The following SMAP1 variants were observed in gnomAD, a reference collection of about 807,000 sequenced individuals.
The protein encoded by SMAP1 is small ArfGAP 1, also known as stromal membrane-associated protein 1.
In SMAP1, 24 loss-of-function variants were observed where a neutral mutation model predicts 58.5. The ratio of observed to expected loss-of-function variants is 0.41; its 90% CI spans 0.30 to 0.58. The LOEUF (loss-of-function observed/expected upper bound fraction) is 0.58, where lower values mean the gene tolerates loss of function less well. Among genes scored for constraint, SMAP1 ranks in the 20% least tolerant of loss-of-function variants. The pLI, the probability that SMAP1 is intolerant of heterozygous loss-of-function variation, is 0.29. For synonymous variants in SMAP1, 216 were observed against 196.6 expected (o/e 1.10, Z -0.82); for missense variants, 563 against 566.3 (o/e 0.99, Z 0.06).
At position 70,767,413 on chromosome 6, in the gene SMAP1, T is replaced by G. The variant is rs1767044947; in HGVS notation, c.339-5937T>G. Among the ~76,000 whole-genome samples the G allele has an allele frequency of 2.0e-5, 3 of 152,192 alleles. No homozygotes were observed. The South Asian group carries it at 6.2e-4, about 31-fold the overall frequency. Reference sequence around the variant, plus strand: ...GTTCTTCCATTTGTTTGTATTCTCTTTTATTTCATTGAGCAGTGGTTTGTA... The same window carrying G: ...GTTCTTCCATTTGTTTGTATTCTCTGTTATTTCATTGAGCAGTGGTTTGTA... On this transcript the variant is annotated intron_variant, in intron 3 of 10. Coordinates refer to ENST00000370455, the MANE Select transcript of SMAP1 (RefSeq NM_001044305.3).
At position 70,857,008 on chromosome 6, in the gene SMAP1, C is replaced by T; in HGVS notation, c.939C>T (p.Thr313=). The change falls in exon 9 of 11, where the codon ACC becomes ACT. Residue 313 remains threonine, a synonymous_variant. Transcript: ENST00000370455. ...DSILSLYGTG[T]IQQQSTPGVF... ...TCTTATCTCTGTATGGCACAGGAAC[C>T]ATTCAACAGCAAAGTACTCCTGGTA... 2 of 1,609,944 alleles carry T rather than the reference C, an allele frequency of 1.2e-6. No homozygotes were observed. Among genetic ancestry groups the T allele is most frequent in the Non-Finnish European group, 8.5e-7 (1 of 1,177,862 alleles).
intron 4 of SMAP1, among the ~76,000 whole-genome samples, chr6:70,779,361 G>A (rs532609577): frequency 2.0e-5 from 3 of 152,272 alleles, no homozygotes; most frequent in African/African-American, 7.2e-5. Context: ...TAGTGTTGGC[G>A]GTACTGTCAA....
intron 6 of SMAP1, among the ~76,000 whole-genome samples, chr6:70,829,530 G>A (rs1476236299): frequency 2.0e-5 from 3 of 152,070 alleles, no homozygotes; most frequent in East Asian, 1.9e-4. Context: ...TCAGCAAAAG[G>A]CACCATGGTG....
chr6:70,813,877 A>T (rs187555491), intron 6 of SMAP1, among the ~76,000 whole-genome samples: 148 of 152,322 alleles, frequency 9.7e-4, no homozygotes, highest in African/African-American at 3.3e-3. Context: ...CATTGCAGAC[A>T]TATACAATTT....
intron 1 of SMAP1, among the ~76,000 whole-genome samples, chr6:70,730,190 C>T (rs1200316017): frequency 1.3e-5 from 2 of 152,158 alleles, no homozygotes; most frequent in Admixed American, 6.5e-5. Context: ...GTTAGACCTG[C>T]AGGCACTCAC....
At chr6:70,767,118 G>T (rs372138004) in intron 3 of SMAP1, among the ~76,000 whole-genome samples, 1 of 152,030 alleles carries the variant, frequency 6.6e-6, no homozygotes, top group South Asian at 2.1e-4. Context: ...CTCTGTTTTG[G>T]TACCAATACC....
chr6:70,839,789 A>G (rs561099600), intron 7 of SMAP1, among the ~76,000 whole-genome samples: 3 of 152,276 alleles, frequency 2.0e-5, no homozygotes, highest in South Asian at 2.1e-4. Context: ...CTGGTTATCA[A>G]TTTCCTAAAC....
At chr6:70,768,909 C>T (rs1767134142) in intron 3 of SMAP1, among the ~76,000 whole-genome samples, 4 of 152,050 alleles carry the variant, frequency 2.6e-5, no homozygotes, top group African/African-American at 9.7e-5. Flanking sequence ...TTTCCCTCTA[C>T]ACACTGCTTT....
chr6:70,830,793 A>G (rs1374616373), intron 6 of SMAP1, among the ~76,000 whole-genome samples: 1 of 152,194 alleles, frequency 6.6e-6, no homozygotes, highest in Admixed American at 6.5e-5. Flanking sequence ...TCCTCTCTAC[A>G]CATTAACATT....
chr6:70,813,556 A>C (rs1227648853), intron 6 of SMAP1, among the ~76,000 whole-genome samples: 13 of 152,028 alleles, frequency 8.6e-5, no homozygotes, highest in Admixed American at 6.6e-4. Flanking sequence ...TAAATATTAA[A>C]ATTTGATAAA....
chr6:70,747,395 G>A (rs1766089280), intron 2 of SMAP1, among the ~76,000 whole-genome samples: 1 of 152,170 alleles, frequency 6.6e-6, no homozygotes, highest in Admixed American at 6.5e-5. Flanking sequence ...AGTGCTAGGT[G>A]CAGTTATATG....
intron 3 of SMAP1, chr6:70,772,786 C>T (rs1562150017): frequency 6.6e-6 from 1 of 152,188 alleles, no homozygotes; most frequent in Non-Finnish European, 1.5e-5. Context: ...ATGTGGAATC[C>T]TATATGATGT....
chr6:70,813,780 T>TA (rs1769493150), intron 6 of SMAP1, among the ~76,000 whole-genome samples: 1 of 152,126 alleles, frequency 6.6e-6, no homozygotes, highest in South Asian at 2.1e-4. Flanking sequence ...ATCTGTTAAA[T>TA]AAACAATACA....
chr6:70,750,345 A>G (rs1316255213), intron 2 of SMAP1, among the ~76,000 whole-genome samples: 1 of 152,168 alleles, frequency 6.6e-6, no homozygotes, highest in Non-Finnish European at 1.5e-5. Context: ...GTTTAGTTAT[A>G]CGTGTTATTT....
intron 1 of SMAP1, among the ~76,000 whole-genome samples, chr6:70,690,392 C>T (rs562610797): frequency 5.9e-5 from 9 of 151,960 alleles, no homozygotes; most frequent in South Asian, 2.1e-4. Flanking sequence ...CTGCAACCTC[C>T]GCCTCCTGGG....
At chr6:70,816,610 A>T (rs1477682358) in intron 6 of SMAP1, among the ~76,000 whole-genome samples, 1 of 152,214 alleles carries the variant, frequency 6.6e-6, no homozygotes, top group Non-Finnish European at 1.5e-5. Flanking sequence ...TCACTGAGTG[A>T]GTTTTTATTG....
intron 1 of SMAP1, chr6:70,668,470 G>A: frequency 7.0e-7 from 1 of 1,426,872 alleles, no homozygotes; most frequent in East Asian, 2.5e-5. Flanking sequence ...CGCGGAACCG[G>A]GCACGGGTCT....
At chr6:70,845,392 A>T (rs190890849) in intron 7 of SMAP1, among the ~76,000 whole-genome samples, 2 of 152,336 alleles carry the variant, frequency 1.3e-5, no homozygotes, top group East Asian at 3.9e-4. Flanking sequence ...GAGGGAAAAG[A>T]TGGGATTATC....
rs148804776 is a variant in SMAP1 at position 70,800,774 on chromosome 6, T to C, written c.576+2037T>C. The stretch of plus-strand genomic sequence containing the variant: ...GAGTGAGAACATGTGGTGTTTGACT[T>C]TCTGTCCTTGTGATAGTTTGCTGAG... On this transcript the variant is annotated intron_variant, in intron 6 of 10. Transcript: ENST00000370455. Among the ~76,000 whole-genome samples the C allele has an allele frequency of 5.0e-3, 755 of 152,184 alleles. 7 individuals carry two copies. Among genetic ancestry groups the C allele is most frequent in the African/African-American group, 0.017 (713 of 41,512 alleles).
Sources: allele counts gnomAD v4.1 joint callset (sites outside exome capture counted in the v4.1 genomes callset), GRCh38; gene constraint gnomAD v4.1.1; transcripts MANE v1.5; gene names NCBI Gene and HGNC (gene_info 2026-07-23, HGNC 2026-07-21).